LAMA5: variants seen among roughly 807,000 people sequenced by gnomAD.
LAMA5 encodes the protein laminin subunit alpha-5.
A neutral mutation model predicts 433.4 loss-of-function variants in LAMA5; 260 were observed. That is an observed-to-expected ratio of 0.60 (90% CI 0.54 to 0.66). LAMA5 has a LOEUF of 0.66. Ranked by LOEUF, LAMA5 falls within the 30% of genes least tolerant of loss-of-function variation. The pLI is 0.00. For missense variants in LAMA5, 5,378 were observed against 5,258.5 expected (o/e 1.02, Z -0.70); for synonymous variants, 2,620 against 2,226.6 (o/e 1.18, Z -4.97).
chr20:62,338,444 G>T (rs199857764), intron 12 of LAMA5, 24 bp downstream of exon 12: 2 of 1,607,730 alleles, frequency 1.2e-6, no homozygotes, highest in Non-Finnish European at 8.5e-7. Context: ...GCAGGTAGAG[G>T]TTGAGCGGGG....
Position 62,333,474 on chromosome 20 carries a change from A to T in LAMA5, c.3029T>A (p.Val1010Glu), listed in dbSNP as rs748373713. The change falls in exon 25 of 80, where the codon GTG becomes GAG. Residue 1010 changes from valine (V) to glutamate (E), a missense_variant. Val to Glu is a moderately radical substitution (Grantham distance 121). Transcript: ENST00000252999. The part of the protein sequence containing the change: ...VEAEGVLLDY[V>E]VLLPSAYYEA... ...GTAGTATGCGCTAGGCAGCAGAACC[A>T]CGTAGTCCTGCAGGGTGGAGGTGGT... The T allele has an allele frequency of 1.2e-6, 2 of 1,611,922 alleles. No individual in the cohort carries two copies. Among genetic ancestry groups the T allele is most frequent in the Admixed American group, 1.7e-5 (1 of 59,902 alleles).
chr20:62,310,867 C>T, intron 74 of LAMA5, 35 bp downstream of exon 74: 1 of 1,602,786 alleles, frequency 6.2e-7, no homozygotes, highest in Non-Finnish European at 8.5e-7. Context: ...GGCTGCCAGG[C>T]CCTGCCCACC....
At chr20:62,336,666 G>A (rs1348943579) in intron 17 of LAMA5, 68 bp downstream of exon 17, 20 of 1,560,340 alleles carry the variant, frequency 1.3e-5, no homozygotes, top group Admixed American at 1.7e-5. Context: ...TGGTCTCACC[G>A]GACTCGGGAC....
Position 62,311,431 on chromosome 20 carries a change from C to T in LAMA5, c.9912G>A (p.Gly3304=). The change falls in exon 72 of 80, where the codon GGG becomes GGA. Residue 3304 remains glycine (G), a synonymous_variant. Transcript: ENST00000252999. The part of the protein sequence containing the change: ...PALQAQTPGL[G]PRGLQATARK... ...GGGCGGTGGCCTGCAGTCCTCTAGG[C>T]CCCAGGCCCGGGGTCTGGGCTTGCA... 6.3e-7 allele frequency: 1 copy of T among 1,591,618 alleles called. No homozygotes were observed. The highest frequency in any genetic ancestry group is 8.6e-7 in the Non-Finnish European group (1 of 1,169,184).
Position 62,312,018 on chromosome 20 carries a change from G to C in LAMA5, c.9537C>G (p.Gly3179=). ...TCCTCAGGAGCTGTAGGCTCACACG[G>C]CCCTGCTGCAGGGACACCTGGCATA... ...DGLCQVSLQQ[G]RVSLQLLRTE... Residue 3179 remains glycine (G), a synonymous_variant, in exon 70 of 80, where the codon GGC becomes GGG. Coordinates refer to ENST00000252999, the MANE Select transcript of LAMA5 (RefSeq NM_005560.6). 6.2e-7 allele frequency: 1 copy of C among 1,612,602 alleles called. No homozygotes were observed. Among genetic ancestry groups the C allele is most frequent in the Non-Finnish European group, 8.5e-7 (1 of 1,179,880 alleles).
Position 62,313,671 on chromosome 20 carries a change from C to T in LAMA5, c.8636G>A (p.Gly2879Glu). Residue 2879 changes from glycine (G) to glutamate (E), a missense_variant, in exon 63 of 80, where the codon GGG becomes GAG. Coordinates refer to ENST00000252999, the MANE Select transcript of LAMA5 (RefSeq NM_005560.6). ...CACCGTGAAGGTACTGGGGTACCCC[C>T]CGACGTAGAAGACGAAGTCGTCTGG... ...LRPDDFVFYV[G>E]GYPSTFTPPP... is the part of the protein sequence containing the mutation. 1 of 1,612,782 alleles carries T rather than the reference C, an allele frequency of 6.2e-7. No individual in the cohort carries two copies. Among genetic ancestry groups the T allele is most frequent in the Non-Finnish European group, 8.5e-7 (1 of 1,179,962 alleles).
rs530500119 is a variant in LAMA5, at chr20:62,333,291, A to C, written c.3129-48T>G. 3.1e-5 allele frequency: 50 copies of C among 1,591,568 alleles called. 1 individual carries two copies. In the Admixed American group the frequency reaches 8.0e-4, roughly 25 times the overall value. On this transcript the variant is annotated intron_variant, in intron 25 of 79. Transcript: ENST00000252999. ...CAGCCCCAGGTCCACCCAGGTCCCC[A>C]GAGACAGCCTGAGTGGGGGAAGCCA...
rs975239626 is a variant in LAMA5, at chr20:62,336,680, T to C, written c.2217+54A>G. The C allele has an allele frequency of 7.5e-6, 12 of 1,600,660 alleles. No individual in the cohort carries two copies. The African/African-American group carries it at 1.5e-4, about 20-fold the overall frequency. On this transcript the variant is annotated intron_variant, in intron 17 of 79. Transcript: ENST00000252999. ...CTGGTCTCACCGGACTCGGGACTTT[T>C]AGCTTGGCCTGGGTCCTCACCCATC...
chr20:62,316,643 AG>A (rs1204178128), intron 57 of LAMA5, 27 bp downstream of exon 57: 8 of 1,491,306 alleles, frequency 5.4e-6, no homozygotes, highest in Non-Finnish European at 7.2e-6. Flanking sequence ...AGCAGGCCTA[AG>A]GGCCCCCATC....
At position 62,324,685 on chromosome 20, in the gene LAMA5, G is replaced by A. The variant is rs78309534; in HGVS notation, c.5530-131C>T. The A allele has an allele frequency of 2.9e-3, 1,943 of 659,988 alleles. 35 individuals are homozygous for A. The African/African-American group carries it at 0.031, about 11-fold the overall frequency. 40.9% of individuals were successfully genotyped at this position (659,988 alleles called of 1,614,324 possible). On this transcript the variant is annotated intron_variant, in intron 41 of 79. Coordinates refer to ENST00000252999, the MANE Select transcript of LAMA5 (RefSeq NM_005560.6). This position sits in a 1 kb window ranked among gnomAD's most constrained non-coding sequence, Gnocchi z 4.4. ...TGGGAACCCGTGGAGCATGGTCACC[G>A]CTGGGTCAGAGGCTGGTCAGGAACT...
In LAMA5 at chr20:62,338,234, T is replaced by C. The variant is rs1486465248; in HGVS notation, c.1754A>G (p.Gln585Arg). The part of the protein sequence containing the change: ...APGYFHFPLC[Q>R]LCGCSPAGTL... The stretch of plus-strand genomic sequence containing the variant: ...CCACGTGGAGAGGCACCACTCACAC[T>C]GGCAGAGAGGGAAGTGAAAGTAGCC... Residue 585 changes from glutamine to arginine, a missense_variant and splice_region_variant, in exon 13 of 80, where the codon CAG becomes CGG. By Grantham distance (43) the Gln-to-Arg change is conservative. Coordinates refer to ENST00000252999, the MANE Select transcript of LAMA5 (RefSeq NM_005560.6). The C allele has an allele frequency of 2.5e-6, 4 of 1,593,800 alleles. No individual in the cohort carries two copies. In the East Asian group the frequency reaches 6.8e-5, roughly 27 times the overall value.
At position 62,324,781 on chromosome 20, in the gene LAMA5, C is replaced by T. The variant is rs977798158; in HGVS notation, c.5530-227G>A. The T allele has an allele frequency of 6.2e-5, 34 of 548,444 alleles. No homozygotes were observed. Among genetic ancestry groups the T allele is most frequent in the Admixed American group, 1.6e-4 (5 of 32,106 alleles). The allele number at this position is 548,444 out of a possible 1,614,324, so 34.0% of individuals were successfully genotyped here. On this transcript the variant is annotated intron_variant, in intron 41 of 79. Transcript: ENST00000252999. The surrounding 1 kb of genome is among the most constrained non-coding windows in gnomAD (Gnocchi z 4.4). The stretch of plus-strand genomic sequence containing the variant: ...TGAGGACATAGCTCTCAAAGCCACA[C>T]GGATGTCCTGTCTCGGGAATGACCA...
In LAMA5 at chr20:62,327,850, C is replaced by G; in HGVS notation, c.4797+16G>C. 1.3e-6 allele frequency: 2 copies of G among 1,597,856 alleles called. No individual in the cohort carries two copies. Among genetic ancestry groups the G allele is most frequent in the Non-Finnish European group, 1.7e-6 (2 of 1,172,118 alleles). On this transcript the variant is annotated intron_variant, in intron 36 of 79. Transcript: ENST00000252999. ...GCCGGAGGGAGAGGCCAGATCTGGG[C>G]CCAGCCCTCACTCACCTTACAGTAG...
Position 62,311,795 on chromosome 20 carries a change from G to A in LAMA5, c.9636-11C>T, listed in dbSNP as rs1419085693. The A allele has an allele frequency of 2.6e-6, 4 of 1,555,312 alleles. No individual in the cohort carries two copies. The highest frequency in any genetic ancestry group is 3.5e-6 in the Non-Finnish European group (4 of 1,151,678). The stretch of plus-strand genomic sequence containing the variant: ...ACATACAGCCAGACTCTGGGGGGCG[G>A]GAGGCCGGAGGCTCGGTTTTTCCCC... On this transcript the variant is annotated splice_polypyrimidine_tract_variant and intron_variant, in intron 70 of 79. Transcript: ENST00000252999.
intron 28 of LAMA5, among the ~76,000 whole-genome samples, chr20:62,331,591 C>T (rs953376085): frequency 6.6e-6 from 1 of 152,208 alleles, no homozygotes; most frequent in African/African-American, 2.4e-5. Context: ...GGGCCAGGCC[C>T]AGCTCTCCCA....
chr20:62,330,470 C>G lies in LAMA5; in HGVS notation c.3979+18G>C. ...ATCGTGTGTGGTAGCCTCTCCACCC[C>G]CCACACCAGACACTCACCCTGCCAC... On this transcript the variant is annotated intron_variant, in intron 31 of 79. Transcript: ENST00000252999. 1 of 1,530,316 alleles carries G rather than the reference C, an allele frequency of 6.5e-7. No homozygotes were observed. The allele number at this position is 1,530,316 out of a possible 1,614,324, so 94.8% of individuals were successfully genotyped here. A position where few individuals can be genotyped will look rare whatever the true frequency, so the allele number is the denominator to read the frequency against.
In LAMA5 at chr20:62,317,489, C is replaced by T. The variant is rs2427282; in HGVS notation, c.7367G>A (p.Arg2456His). The change falls in exon 55 of 80, where the codon CGC becomes CAC. Residue 2456 changes from arginine (R) to histidine (H), a missense_variant. Transcript: ENST00000252999. Reference sequence around the variant, plus strand: ...AGCCCCATCCAGGCTGGCGGCGAGGCGCTCCAGCTCCTGGAATTTGAGTGG... The same window carrying T: ...AGCCCCATCCAGGCTGGCGGCGAGGTGCTCCAGCTCCTGGAATTTGAGTGG... ...SLDQAKEELE[R>H]LAASLDGART... 41,090 of 1,543,688 alleles carry T rather than the reference C, an allele frequency of 0.027. 685 individuals are homozygous for T. The highest frequency in any genetic ancestry group is 0.032 in the Non-Finnish European group (36,440 of 1,142,318).
chr20:62,313,126 C>G lies in LAMA5; in HGVS notation c.8917G>C (p.Val2973Leu), dbSNP rs370374212. ...TKRFEQELRL[V>L]SYSGVLFFLK... The stretch of plus-strand genomic sequence containing the variant: ...AAGAAGAGCACCCCGCTGTAGGACA[C>G]GAGCCGCAGCTCCTGCTCGAAGCGC... Residue 2973 changes from valine to leucine, a missense_variant, in exon 65 of 80, where the codon GTG (valine) becomes CTG (leucine). Transcript: ENST00000252999. 1.2e-6 allele frequency: 2 copies of G among 1,607,074 alleles called. No homozygotes were observed. The highest frequency in any genetic ancestry group is 1.7e-6 in the Non-Finnish European group (2 of 1,179,332).
intron 2 of LAMA5, among the ~76,000 whole-genome samples, chr20:62,358,049 G>C (rs1454024806): frequency 6.6e-6 from 1 of 152,220 alleles, no homozygotes; most frequent in Admixed American, 6.5e-5. Flanking sequence ...GGTGGCTCTT[G>C]TTTAGAAACA....
Sources: gnomAD v4.1 joint callset for allele counts (sites outside exome capture counted in the v4.1 genomes callset) on GRCh38, gnomAD v4.1.1 for gene constraint, Gnocchi (gnomAD v3.1) non-coding constraint, MANE v1.5 for transcripts, NCBI Gene and HGNC (gene_info 2026-07-23, HGNC 2026-07-21) for gene names.